Variants in RGS7BP observed in about 807,000 individuals in gnomAD.
RGS7BP encodes regulator of G protein signaling 7 binding protein.
Under a neutral mutation model 31.3 loss-of-function variants are expected in RGS7BP, and 9 were observed. That is an observed-to-expected ratio of 0.29 (90% CI 0.17 to 0.50). The LOEUF (loss-of-function observed/expected upper bound fraction) is 0.50. Ranked by LOEUF, RGS7BP falls within the 20% of genes least tolerant of loss-of-function variation. The pLI is 0.98. For synonymous variants in RGS7BP, 115 were observed against 120.1 expected, an observed-to-expected ratio of 0.96 and a Z score of 0.28; for missense variants, 274 against 322.0, an observed-to-expected ratio of 0.85 and a Z score of 1.14.
At chr5:64,608,134 A>G (rs947061103) in intron 5 of RGS7BP, among the ~76,000 whole-genome samples, 1 of 152,018 alleles carries the variant, frequency 6.6e-6, no homozygotes, top group African/African-American at 2.4e-5. Context: ...ACAGTCACCA[A>G]TGCCAACCAT....
chr5:64,559,178 T>C (rs1355006652), intron 2 of RGS7BP, among the ~76,000 whole-genome samples: 2 of 152,186 alleles, frequency 1.3e-5, no homozygotes, highest in Non-Finnish European at 2.9e-5. Flanking sequence ...TTTACAACTC[T>C]GGGGCATCAC....
At position 64,507,730 on chromosome 5, in the gene RGS7BP, C is replaced by T; in HGVS notation, c.185C>T (p.Thr62Ile). 6.3e-7 allele frequency: 1 copy of T among 1,590,694 alleles called. No homozygotes were observed. Among genetic ancestry groups the T allele is most frequent in the Middle Eastern group, 1.7e-4 (1 of 5,948 alleles). The change falls in exon 2 of 6, where the codon ACA becomes ATA. Residue 62 changes from threonine to isoleucine, a missense_variant. Around this residue, in one of 3 missense-constraint regions of RGS7BP, gnomAD observed 149 missense variants for 152.6 expected, o/e 0.98. Coordinates refer to ENST00000334025, the MANE Select transcript of RGS7BP (RefSeq NM_001029875.3). The stretch of plus-strand genomic sequence containing the variant: ...TTCCAGCTTGTCCAAGAGTTCAACA[C>T]ACAAGTGGCCCTGTACCGAGAGCTG... ...DCKMLVQEFN[T>I]QVALYRELVI...
At chr5:64,592,171 C>T (rs543697951) in intron 3 of RGS7BP, among the ~76,000 whole-genome samples, 1 of 152,160 alleles carries the variant, frequency 6.6e-6, no homozygotes, top group South Asian at 2.1e-4. Flanking sequence ...ATTGAAAACC[C>T]CTTAAATTCA....
intron 2 of RGS7BP, among the ~76,000 whole-genome samples, chr5:64,534,673 G>A (rs1749460924): frequency 6.6e-6 from 1 of 152,116 alleles, no homozygotes; most frequent in African/African-American, 2.4e-5. Context: ...AAAATCAAAA[G>A]CTGTGTTTGA....
intron 2 of RGS7BP, among the ~76,000 whole-genome samples, chr5:64,559,956 T>C (rs1031646227): frequency 2.6e-5 from 4 of 152,160 alleles, no homozygotes; most frequent in African/African-American, 9.7e-5. Context: ...AGACAAGCAC[T>C]GAATGGATAA....
chr5:64,546,111 G>A (rs1034011601), intron 2 of RGS7BP, among the ~76,000 whole-genome samples: 7 of 152,044 alleles, frequency 4.6e-5, no homozygotes, highest in African/African-American at 1.2e-4. Flanking sequence ...CCAAGATCAC[G>A]CCACTGCACT....
chr5:64,533,956 A>T (rs1322344666), intron 2 of RGS7BP, among the ~76,000 whole-genome samples: 1 of 152,252 alleles, frequency 6.6e-6, no homozygotes, highest in East Asian at 1.9e-4. Context: ...CATATGATAA[A>T]TAAGAAAGCA....
intron 2 of RGS7BP, among the ~76,000 whole-genome samples, chr5:64,534,581 C>G (rs921957710): frequency 1.3e-5 from 2 of 152,050 alleles, no homozygotes; most frequent in African/African-American, 4.8e-5. Context: ...ACAAGTCGGT[C>G]TGAGTAACTG....
At position 64,548,257 on chromosome 5, in the gene RGS7BP, A is replaced by T. The variant is rs193085351; in HGVS notation, c.333-27517A>T. Among the ~76,000 whole-genome samples, 345 of 152,290 alleles carry T rather than the reference A, an allele frequency of 2.3e-3. 5 individuals carry two copies. Among genetic ancestry groups the T allele is most frequent in the African/African-American group, 7.3e-3 (303 of 41,572 alleles). On this transcript the variant is annotated intron_variant, in intron 2 of 5. Coordinates refer to ENST00000334025, the MANE Select transcript of RGS7BP (RefSeq NM_001029875.3). ...ATCTGTTTAAACGTTTCACCAAAAT[A>T]AGATAAGTTACAGATTTAAGTATAA...
At chr5:64,511,211 C>G (rs943749814) in intron 2 of RGS7BP, among the ~76,000 whole-genome samples, 9 of 152,186 alleles carry the variant, frequency 5.9e-5, no homozygotes, top group Non-Finnish European at 7.3e-5. Flanking sequence ...TTCTAACTGG[C>G]CCTGTTTAAG....
chr5:64,571,578 T>C (rs554891117), intron 2 of RGS7BP, among the ~76,000 whole-genome samples: 90 of 152,248 alleles, frequency 5.9e-4, no homozygotes, highest in African/African-American at 2.0e-3. Context: ...ACCACCAACA[T>C]TGGGCATTAT....
chr5:64,538,537 TTTCCTTTTC>T (rs1741439806), intron 2 of RGS7BP, among the ~76,000 whole-genome samples: 3 of 113,866 alleles, frequency 2.6e-5, no homozygotes, highest in African/African-American at 3.7e-5. Flanking sequence ...TCTTTTTTTT[TTTCCTTTTC>T]TTTTTTTTTT....
chr5:64,600,636 C>A lies in RGS7BP; in HGVS notation c.682+2201C>A, dbSNP rs931298564. On this transcript the variant is annotated intron_variant, in intron 5 of 5. Transcript: ENST00000334025. ...TATCTGGGGAACAAAAAGGAAAAAG[C>A]TAGAAAGGAGACATAAGGACTTATT... 2.0e-5 allele frequency among the ~76,000 whole-genome samples: 3 copies of A among 152,102 alleles called. No homozygotes were observed. The East Asian group carries it at 5.8e-4, about 29-fold the overall frequency.
intron 2 of RGS7BP, among the ~76,000 whole-genome samples, chr5:64,528,885 G>T (rs1749302365): frequency 6.7e-6 from 1 of 149,414 alleles, no homozygotes; most frequent in African/African-American, 2.5e-5. Context: ...GTTGCCATGA[G>T]AATTAAATGA....
intron 2 of RGS7BP, among the ~76,000 whole-genome samples, chr5:64,564,653 A>AT (rs1293326237): frequency 2.6e-5 from 4 of 152,132 alleles, no homozygotes; most frequent in Non-Finnish European, 5.9e-5. Context: ...TGATGCAAGC[A>AT]TTTGCTGCCT....
chr5:64,520,129 G>A (rs1382960251), intron 2 of RGS7BP, among the ~76,000 whole-genome samples: 4 of 152,184 alleles, frequency 2.6e-5, no homozygotes, highest in Non-Finnish European at 5.9e-5. Flanking sequence ...CTGAAAAGTT[G>A]AGATATCTGG....
chr5:64,549,780 G>C (rs1741745702), intron 2 of RGS7BP, among the ~76,000 whole-genome samples: 1 of 152,106 alleles, frequency 6.6e-6, no homozygotes, highest in Admixed American at 6.6e-5. Flanking sequence ...TATAATATGG[G>C]TAGGCTGAGA....
At position 64,507,695 on chromosome 5, in the gene RGS7BP, C is replaced by T. The variant is rs1174645789; in HGVS notation, c.166-16C>T. 1.3e-6 allele frequency: 2 copies of T among 1,514,348 alleles called. No individual in the cohort carries two copies. The highest frequency in any genetic ancestry group is 1.4e-5 in the African/African-American group (1 of 70,508). 93.8% of individuals were successfully genotyped at this position (1,514,348 alleles called of 1,614,324 possible). ...GAAATGTTTGGTAAAAAAAAAAAAA[C>T]TCACTTCTTTTCCAGCTTGTCCAAG... is the stretch of plus-strand genomic sequence containing the variant. On this transcript the variant is annotated splice_polypyrimidine_tract_variant and intron_variant, in intron 1 of 5. Transcript: ENST00000334025.
chr5:64,573,957 A>T (rs944410202), intron 2 of RGS7BP, among the ~76,000 whole-genome samples: 1 of 152,162 alleles, frequency 6.6e-6, no homozygotes, highest in Non-Finnish European at 1.5e-5. Flanking sequence ...ATTTTAAAAA[A>T]TATCTGCCTA....
Sources: gnomAD v4.1 joint callset for allele counts (sites outside exome capture counted in the v4.1 genomes callset) on GRCh38, gnomAD v4.1.1 for gene constraint, gnomAD v4.1.1 regional missense constraint, MANE v1.5 for transcripts, NCBI Gene and HGNC (gene_info 2026-07-23, HGNC 2026-07-21) for gene names.